Variants in FANCC observed in about 807,000 individuals in gnomAD.
FANCC encodes Fanconi anemia group C protein.
FANCC carries 55 observed loss-of-function variants against 71.3 expected under a neutral mutation model. The observed-to-expected ratio is 0.77, with a 90% confidence interval of 0.62 to 0.97. The LOEUF (loss-of-function observed/expected upper bound fraction) is 0.97. Among genes scored for constraint, FANCC ranks in the 50% least tolerant of loss-of-function variants. FANCC has a pLI of 0.00. For missense variants in FANCC, 678 were observed against 670.9 expected (o/e 1.01, Z -0.12); for synonymous variants, 275 against 244.9 (o/e 1.12, Z -1.15).
intron 1 of FANCC, among the ~76,000 whole-genome samples, chr9:95,252,892 A>T (rs1476027757): frequency 6.6e-6 from 1 of 151,424 alleles, no homozygotes; most frequent in East Asian, 1.9e-4. Context: ...CTAAAAAAAA[A>T]AAATTTTTTT....
intron 1 of FANCC, among the ~76,000 whole-genome samples, chr9:95,271,411 G>A (rs1832705828): frequency 6.6e-6 from 1 of 152,200 alleles, no homozygotes; most frequent in Non-Finnish European, 1.5e-5. Context: ...CAGAGGCAGA[G>A]CAAGTTGGAG....
intron 6 of FANCC, among the ~76,000 whole-genome samples, chr9:95,157,437 A>C (rs1456579417): frequency 6.6e-6 from 1 of 152,192 alleles, no homozygotes; most frequent in African/African-American, 2.4e-5. Context: ...TCTTTGCTAC[A>C]AACCATCTAG....
chr9:95,112,119 A>G (rs73528478), intron 12 of FANCC, among the ~76,000 whole-genome samples: 3,332 of 152,314 alleles, frequency 0.022, 122 homozygotes, highest in African/African-American at 0.077. Flanking sequence ...TCATGGGTGC[A>G]TCAATGCCAG....
chr9:95,101,824 G>A lies in FANCC; in HGVS notation c.1560C>T (p.His520=), dbSNP rs150020474. 67 of 1,613,908 alleles carry A rather than the reference G, an allele frequency of 4.2e-5. No individual in the cohort carries two copies. Among genetic ancestry groups the A allele is most frequent in the Middle Eastern group, 3.3e-4 (2 of 6,080 alleles). Residue 520 remains histidine (H), a synonymous_variant, in exon 15 of 15, where the codon CAC becomes CAT. Transcript: ENST00000289081. ...TLMAHTAEIT[H]EIIGFLDQTL... Reference sequence around the variant, plus strand: ...TCTGGTCAAGAAAGCCAATGATCTCGTGAGTTATCTCAGCAGTGTGAGCCA... The same window carrying A: ...TCTGGTCAAGAAAGCCAATGATCTCATGAGTTATCTCAGCAGTGTGAGCCA...
intron 8 of FANCC, among the ~76,000 whole-genome samples, chr9:95,129,124 A>G (rs1455445301): frequency 6.6e-6 from 1 of 152,016 alleles, no homozygotes; most frequent in Admixed American, 6.6e-5. Flanking sequence ...GATGGTCTCG[A>G]TCTCCTGACC....
intron 4 of FANCC, among the ~76,000 whole-genome samples, chr9:95,219,937 G>A (rs998560452): frequency 1.3e-5 from 2 of 152,118 alleles, no homozygotes; most frequent in Non-Finnish European, 2.9e-5. Context: ...GCAACCTACA[G>A]AATGGGAGAA....
intron 6 of FANCC, among the ~76,000 whole-genome samples, chr9:95,160,726 C>T (rs1040284617): frequency 6.6e-6 from 1 of 152,076 alleles, no homozygotes; most frequent in Non-Finnish European, 1.5e-5. Context: ...TGTAGTTCTC[C>T]TTGAAGAGGT....
rs1329706357 is a variant in FANCC, at chr9:95,107,219, G to C, written c.1380C>G (p.Ser460Arg). 1 of 1,614,192 alleles carries C rather than the reference G, an allele frequency of 6.2e-7. No homozygotes were observed. The highest frequency in any genetic ancestry group is 1.7e-5 in the Admixed American group (1 of 60,026). Residue 460 changes from serine (S) to arginine (R), a missense_variant, in exon 14 of 15, where the codon AGC becomes AGG. Coordinates refer to ENST00000289081, the MANE Select transcript of FANCC (RefSeq NM_000136.3). Reference sequence around the variant, plus strand: ...TCTGCAGGTCCTGGGCTGAGAGGCTGCTGCTTCTGGACATTGCCAGGAGGT... The same window carrying C: ...TCTGCAGGTCCTGGGCTGAGAGGCTCCTGCTTCTGGACATTGCCAGGAGGT... ...LGHLLAMSRSSSLSAQDLQTV... is the reference protein window; with the variant it reads ...LGHLLAMSRSRSLSAQDLQTV...
Position 95,302,595 on chromosome 9 carries a change from C to T in FANCC, c.-79+14931G>A, listed in dbSNP as rs116354422. Among the ~76,000 whole-genome samples the T allele has an allele frequency of 2.9e-3, 448 of 152,322 alleles. 2 individuals carry two copies. The highest frequency in any genetic ancestry group is 0.01 in the African/African-American group (426 of 41,578). On this transcript the variant is annotated intron_variant, in intron 1 of 14. Coordinates refer to ENST00000289081, the MANE Select transcript of FANCC (RefSeq NM_000136.3). ...AATGTAGGCCGCTTTCAGTGACCTGCCTTTAGCCTGTGAATCCTCAGACTC... is the reference window on the plus strand; with the variant it reads ...AATGTAGGCCGCTTTCAGTGACCTGTCTTTAGCCTGTGAATCCTCAGACTC...
At position 95,240,707 on chromosome 9, in the gene FANCC, C is replaced by A. The variant is rs955739738; in HGVS notation, c.287G>T (p.Cys96Phe). The A allele has an allele frequency of 8.1e-6, 13 of 1,612,874 alleles. No individual in the cohort carries two copies. The highest frequency in any genetic ancestry group is 2.7e-5 in the African/African-American group (2 of 74,810). Reference sequence around the variant, plus strand: ...ATTCTGTGGTTCTTTGTTAATTAGACAACATAAGCACCATATTAGAATTTT... The same window carrying A: ...ATTCTGTGGTTCTTTGTTAATTAGAAAACATAAGCACCATATTAGAATTTT... ...SQKILIWCLC[C>F]LINKEPQNSG... The change falls in exon 4 of 15, where the codon TGT becomes TTT. Residue 96 changes from cysteine to phenylalanine, a missense_variant. Cys to Phe is a radical substitution (Grantham distance 205). Coordinates refer to ENST00000289081, the MANE Select transcript of FANCC (RefSeq NM_000136.3).
At chr9:95,216,681 G>A (rs1207269070) in intron 4 of FANCC, among the ~76,000 whole-genome samples, 1 of 152,210 alleles carries the variant, frequency 6.6e-6, no homozygotes, top group Non-Finnish European at 1.5e-5. Flanking sequence ...AAAGATTTGA[G>A]CAATACAAGC....
chr9:95,251,769 TTAAA>T (rs1245600056), intron 1 of FANCC, among the ~76,000 whole-genome samples: 26 of 152,240 alleles, frequency 1.7e-4, no homozygotes, highest in African/African-American at 6.0e-4. Flanking sequence ...TGGCAATATA[TTAAA>T]TACTTTATTC....
chr9:95,190,249 C>T (rs1326550243), intron 4 of FANCC, among the ~76,000 whole-genome samples: 2 of 152,140 alleles, frequency 1.3e-5, no homozygotes, highest in South Asian at 2.1e-4. Flanking sequence ...TCCACTTGGG[C>T]CCTGATCACC....
chr9:95,206,574 A>G (rs528110735), intron 4 of FANCC, among the ~76,000 whole-genome samples: 60 of 152,324 alleles, frequency 3.9e-4, no homozygotes, highest in Admixed American at 1.8e-3. Flanking sequence ...AAATGGCTTA[A>G]CTTACCGTAC....
intron 4 of FANCC, among the ~76,000 whole-genome samples, chr9:95,237,669 C>A (rs758709419): frequency 6.6e-6 from 1 of 152,138 alleles, no homozygotes; most frequent in Non-Finnish European, 1.5e-5. Context: ...TAAAATTCCT[C>A]GGAACAACTT....
At chr9:95,251,794 A>T (rs930180784) in intron 1 of FANCC, among the ~76,000 whole-genome samples, 2 of 152,248 alleles carry the variant, frequency 1.3e-5, no homozygotes, top group African/African-American at 4.8e-5. Flanking sequence ...ATACTAATTT[A>T]ATCATTACAG....
intron 10 of FANCC, among the ~76,000 whole-genome samples, chr9:95,118,794 A>AG (rs2072641893): frequency 4.6e-5 from 7 of 152,218 alleles, no homozygotes; most frequent in Admixed American, 3.9e-4. Context: ...TGAATATGCC[A>AG]TAGTCTGTTT....
At chr9:95,111,274 G>C (rs1325480912) in intron 13 of FANCC, 189 bp downstream of exon 13, 1 of 1,556,372 alleles carries the variant, frequency 6.4e-7, no homozygotes, top group Admixed American at 1.9e-5. Flanking sequence ...CCACCTCGGT[G>C]GGGACAGGAG....
At chr9:95,180,277 A>C (rs1220157704) in intron 4 of FANCC, among the ~76,000 whole-genome samples, 1 of 151,476 alleles carries the variant, frequency 6.6e-6, no homozygotes, top group Non-Finnish European at 1.5e-5. Context: ...TGTAATAACA[A>C]TGTCTTCTTC....
Sources: gnomAD v4.1 joint callset for allele counts (sites outside exome capture counted in the v4.1 genomes callset) on GRCh38, gnomAD v4.1.1 for gene constraint, MANE v1.5 for transcripts, NCBI Gene and HGNC (gene_info 2026-07-23, HGNC 2026-07-21) for gene names.